Variants in CEP128 observed in about 807,000 individuals in gnomAD.
CEP128 encodes the protein centrosomal protein 128, also known as centrosomal protein 128kDa.
A neutral mutation model predicts 156.7 loss-of-function variants in CEP128; 132 were observed. The observed-to-expected ratio is 0.84, with a 90% CI of 0.73 to 0.97. The LOEUF (loss-of-function observed/expected upper bound fraction) is 0.97. CEP128 is among the 50% of genes least tolerant of loss of function. The pLI is 0.00. For missense variants in CEP128, 1,252 were observed against 1,281.9 expected (o/e 0.98, Z 0.36); for synonymous variants, 469 against 448.9 (o/e 1.04, Z -0.57).
At chr14:80,813,182 G>A (rs774210389) in intron 13 of CEP128, among the ~76,000 whole-genome samples, 6 of 152,106 alleles carry the variant, frequency 3.9e-5, no homozygotes, top group Admixed American at 1.3e-4. Flanking sequence ...TGTTTACTCC[G>A]TTGATAGTTT....
chr14:80,815,000 G>A (rs1029906792), intron 13 of CEP128, among the ~76,000 whole-genome samples: 2 of 152,222 alleles, frequency 1.3e-5, no homozygotes. Context: ...AGAGATTGTA[G>A]TGAGCCGAGA....
At chr14:80,802,293 C>T (rs886935446) in intron 13 of CEP128, among the ~76,000 whole-genome samples, 18 of 152,064 alleles carry the variant, frequency 1.2e-4, no homozygotes, top group African/African-American at 4.3e-4. Context: ...AACCCAAATT[C>T]CCATCAATGA....
intron 20 of CEP128, among the ~76,000 whole-genome samples, chr14:80,561,815 T>G (rs915759394): frequency 1.5e-4 from 23 of 151,826 alleles, no homozygotes; most frequent in African/African-American, 5.6e-4. Flanking sequence ...AATTTTTTAT[T>G]TTAAAGGAAA....
chr14:80,820,431 T>A (rs115357261), intron 13 of CEP128, among the ~76,000 whole-genome samples: 26 of 152,360 alleles, frequency 1.7e-4, no homozygotes, highest in African/African-American at 6.3e-4. Context: ...AAAGCTATGT[T>A]ACAATGCTAC....
chr14:80,482,855 GC>G (rs1887083713), intron 14 of CEP128, among the ~76,000 whole-genome samples: 1 of 152,200 alleles, frequency 6.6e-6, no homozygotes, highest in Non-Finnish European at 1.5e-5. Context: ...CAGACGCTTA[GC>G]CCAAGTAAGA....
chr14:80,674,773 T>C (rs548196440), intron 19 of CEP128, among the ~76,000 whole-genome samples: 2 of 152,256 alleles, frequency 1.3e-5, no homozygotes, highest in South Asian at 2.1e-4. Flanking sequence ...CTAACTTCTA[T>C]TACAGAGAAG....
chr14:80,641,251 C>T (rs1250392461), intron 19 of CEP128, among the ~76,000 whole-genome samples: 2 of 152,198 alleles, frequency 1.3e-5, no homozygotes, highest in Non-Finnish European at 2.9e-5. Flanking sequence ...GATGCCTCCT[C>T]ATTCTCTAAT....
chr14:80,753,998 C>G (rs910319933), intron 18 of CEP128, among the ~76,000 whole-genome samples: 15 of 152,256 alleles, frequency 9.9e-5, no homozygotes, highest in African/African-American at 3.6e-4. Context: ...TAACTGGTTT[C>G]TCTACCTCAA....
chr14:80,949,035 C>T (rs1886401942), intron 2 of CEP128, among the ~76,000 whole-genome samples: 1 of 152,092 alleles, frequency 6.6e-6, no homozygotes. Context: ...TTCAGCATAC[C>T]ACTTTTGTTC....
At position 80,785,161 on chromosome 14, in the gene CEP128, T is replaced by C. The variant is rs753686551; in HGVS notation, c.1945A>G (p.Asn649Asp). 31 of 1,614,178 alleles carry C rather than the reference T, an allele frequency of 1.9e-5. 1 individual carries two copies. In the South Asian group the frequency reaches 2.3e-4, roughly 12 times the overall value. The change falls in exon 15 of 25, where the codon AAT becomes GAT. Residue 649 changes from asparagine to aspartate, a missense_variant. Physicochemically the swap from Asn to Asp is conservative, Grantham distance 23 (BLOSUM62 1). Transcript: ENST00000555265. ...DLSAIRADLA[N>D]KLAEEERAKK... ...GCTCTCTCTTCCTCAGCCAATTTAT[T>C]AGCAAGATCTGCTCGGATGGCACTC...
chr14:80,955,619 G>A (rs1388974720), intron 2 of CEP128: 1 of 1,603,632 alleles, frequency 6.2e-7, no homozygotes, highest in South Asian at 1.1e-5. Flanking sequence ...GTAACCCGAG[G>A]TGCAGAGCTG....
chr14:80,877,549 C>CA (rs1308998646), intron 8 of CEP128, among the ~76,000 whole-genome samples: 8 of 152,092 alleles, frequency 5.3e-5, no homozygotes, highest in South Asian at 2.1e-4. Flanking sequence ...GGCACACACA[C>CA]AAAAAACACA....
intron 8 of CEP128, among the ~76,000 whole-genome samples, chr14:80,868,075 G>A (rs1887856691): frequency 6.6e-6 from 1 of 151,940 alleles, no homozygotes; most frequent in Non-Finnish European, 1.5e-5. Context: ...AGGGGGTGGG[G>A]GGAGACAGGT....
intron 11 of CEP128, among the ~76,000 whole-genome samples, chr14:80,837,227 G>A (rs536158644): frequency 1.3e-5 from 2 of 152,210 alleles, no homozygotes; most frequent in South Asian, 4.1e-4. Context: ...ATATTCTGAA[G>A]GTGTGTTATA....
At chr14:80,626,902 C>T (rs1263366655) in intron 19 of CEP128, among the ~76,000 whole-genome samples, 4 of 152,080 alleles carry the variant, frequency 2.6e-5, no homozygotes, top group Non-Finnish European at 4.4e-5. Flanking sequence ...ATTGCACTCC[C>T]GCCTGGGCAA....
At chr14:80,611,099 T>C (rs1273083143) in intron 19 of CEP128, among the ~76,000 whole-genome samples, 1 of 152,098 alleles carries the variant, frequency 6.6e-6, no homozygotes, top group Admixed American at 6.6e-5. Context: ...GTAAATCTTT[T>C]AAAGTATCAT....
chr14:80,875,764 T>C (rs7140604), intron 8 of CEP128, among the ~76,000 whole-genome samples: 2 of 152,180 alleles, frequency 1.3e-5, no homozygotes, highest in African/African-American at 4.8e-5. Context: ...TACTTTCAGG[T>C]ATATGCACAC....
chr14:80,569,007 G>T (rs919647679), intron 20 of CEP128, among the ~76,000 whole-genome samples: 13 of 152,128 alleles, frequency 8.5e-5, no homozygotes, highest in Admixed American at 2.0e-4. Flanking sequence ...AGTCTGACTA[G>T]CATCTTCCCA....
chr14:80,809,294 G>A (rs992649751), intron 13 of CEP128, among the ~76,000 whole-genome samples: 1 of 151,870 alleles, frequency 6.6e-6, no homozygotes, highest in Non-Finnish European at 1.5e-5. Context: ...AGAAATTGAA[G>A]ACCAGTCCTT....
Sources: allele counts gnomAD v4.1 joint callset (sites outside exome capture counted in the v4.1 genomes callset), GRCh38; gene constraint gnomAD v4.1.1; transcripts MANE v1.5; gene names NCBI Gene and HGNC (gene_info 2026-07-23, HGNC 2026-07-21).